Variants in MCTP1 observed in about 807,000 individuals in gnomAD.
MCTP1 encodes multiple C2 and transmembrane domain containing 1, also known as multiple C2 and transmembrane domain-containing protein 1.
In MCTP1, 69 loss-of-function variants were observed where a neutral mutation model predicts 120.6. The observed-to-expected ratio is 0.57, with a 90% CI of 0.47 to 0.70. The LOEUF is 0.70. MCTP1 is among the 30% of genes least tolerant of loss of function. The pLI, the probability that MCTP1 is intolerant of heterozygous loss-of-function variation, is 0.00. For missense variants in MCTP1, 1,203 were observed against 1,248.8 expected, an observed-to-expected ratio of 0.96 and a Z score of 0.55; for synonymous variants, 529 against 493.1, an observed-to-expected ratio of 1.07 and a Z score of -0.96.
intron 19 of MCTP1, among the ~76,000 whole-genome samples, chr5:94,756,055 A>G (rs1288393819): frequency 4.6e-5 from 7 of 152,214 alleles, no homozygotes; most frequent in Non-Finnish European, 1.0e-4. Flanking sequence ...GCTGCTAATG[A>G]TTATAACAAT....
chr5:95,040,870 A>C (rs1842226138), intron 1 of MCTP1, among the ~76,000 whole-genome samples: 1 of 152,172 alleles, frequency 6.6e-6, no homozygotes, highest in South Asian at 2.1e-4. Flanking sequence ...AGAATGAGAA[A>C]ACATGTAGGT....
chr5:94,862,760 AT>A (rs1162766593), intron 17 of MCTP1, among the ~76,000 whole-genome samples: 2 of 151,810 alleles, frequency 1.3e-5, no homozygotes, highest in African/African-American at 2.4e-5. Flanking sequence ...TTTTCATGTA[AT>A]TTTGGACAAT....
At chr5:95,196,774 GGAATCCATTCTAAACATCAGTGGACTGAA>G (rs941560840) in intron 1 of MCTP1, among the ~76,000 whole-genome samples, 2 of 152,062 alleles carry the variant, frequency 1.3e-5, no homozygotes, top group African/African-American at 4.8e-5. Flanking sequence ...ACCAGCTGAT[GGAATCCATTCTAAACATCAGTGGACTGAA>G]TCATTGAATA....
At chr5:94,836,955 C>T (rs1207488314) in intron 17 of MCTP1, among the ~76,000 whole-genome samples, 5 of 151,938 alleles carry the variant, frequency 3.3e-5, no homozygotes, top group Admixed American at 2.0e-4. Context: ...TGTTTTTTTC[C>T]CTTCCCTAAA....
At chr5:95,253,439 T>C (rs1757578369) in intron 1 of MCTP1, among the ~76,000 whole-genome samples, 1 of 152,054 alleles carries the variant, frequency 6.6e-6, no homozygotes, top group Non-Finnish European at 1.5e-5. Context: ...CATACACTAG[T>C]TTACATTTAA....
At chr5:94,844,314 A>AAAAAG (rs1391649338) in intron 17 of MCTP1, among the ~76,000 whole-genome samples, 5 of 151,166 alleles carry the variant, frequency 3.3e-5, no homozygotes, top group Middle Eastern at 3.4e-3. Flanking sequence ...AAAAAAAAAA[A>AAAAAG]AAAAAAAGAA....
intron 16 of MCTP1, 147 bp downstream of exon 16, chr5:94,870,270 G>A: frequency 1.7e-6 from 1 of 583,784 alleles, no homozygotes; most frequent in South Asian, 2.4e-5. Flanking sequence ...CAGAAAGAAT[G>A]AAAGAAAGCG....
chr5:94,813,767 C>T (rs1337949450), intron 17 of MCTP1, among the ~76,000 whole-genome samples: 1 of 152,002 alleles, frequency 6.6e-6, no homozygotes, highest in African/African-American at 2.4e-5. Context: ...GCACACCTGT[C>T]ACTTGAGTTT....
In MCTP1 at chr5:94,704,580, A is replaced by T. The variant is rs1754113631; in HGVS notation, c.*2916T>A. On this transcript the variant is annotated 3_prime_UTR_variant, in exon 23 of 23. Transcript: ENST00000515393. ...CTTCACTTTTAAATGCAGAATAAAA[A>T]TTTTATAAAAGATAATTTTAGAAAT... 6.6e-6 allele frequency: 1 copy of T among 151,320 alleles called. No individual in the cohort carries two copies. 9.4% of individuals were successfully genotyped at this position (151,320 alleles called of 1,614,324 possible).
At chr5:95,219,724 T>C (rs778865824) in intron 1 of MCTP1, among the ~76,000 whole-genome samples, 8 of 152,192 alleles carry the variant, frequency 5.3e-5, no homozygotes, top group Non-Finnish European at 1.2e-4. Flanking sequence ...GCAACTTAAA[T>C]GCAAATGCAA....
At chr5:95,034,131 T>C (rs1840804888) in intron 1 of MCTP1, among the ~76,000 whole-genome samples, 1 of 151,896 alleles carries the variant, frequency 6.6e-6, no homozygotes, top group African/African-American at 2.4e-5. Flanking sequence ...TCAATATCAT[T>C]AAAATGACCA....
chr5:95,062,954 G>T (rs1420503910), intron 1 of MCTP1, among the ~76,000 whole-genome samples: 4 of 151,976 alleles, frequency 2.6e-5, no homozygotes, highest in African/African-American at 9.7e-5. Flanking sequence ...AAGTAGCTGA[G>T]ACTATAAGCA....
intron 12 of MCTP1, among the ~76,000 whole-genome samples, chr5:94,882,879 CAT>C (rs1371180312): frequency 6.6e-6 from 1 of 152,144 alleles, no homozygotes; most frequent in African/African-American, 2.4e-5. Context: ...ATGAATCACA[CAT>C]GATTTCTGTA....
At chr5:95,196,757 G>A (rs1201030431) in intron 1 of MCTP1, among the ~76,000 whole-genome samples, 2 of 152,116 alleles carry the variant, frequency 1.3e-5, no homozygotes, top group African/African-American at 4.8e-5. Context: ...CTGAAGGAGT[G>A]CCTTTTACCA....
At chr5:95,027,144 AATTG>A (rs1296163180) in intron 1 of MCTP1, among the ~76,000 whole-genome samples, 1 of 152,256 alleles carries the variant, frequency 6.6e-6, no homozygotes, top group African/African-American at 2.4e-5. Context: ...TCTGGAAGTC[AATTG>A]ATTAAGTGAC....
intron 1 of MCTP1, among the ~76,000 whole-genome samples, chr5:95,029,063 G>T (rs144625647): frequency 3.3e-5 from 5 of 151,692 alleles, no homozygotes; most frequent in African/African-American, 1.2e-4. Flanking sequence ...GGAGACTGAG[G>T]CAGGAGAATT....
At chr5:94,907,407 ACCT>A (rs1259666728) in intron 10 of MCTP1, among the ~76,000 whole-genome samples, 2 of 152,108 alleles carry the variant, frequency 1.3e-5, no homozygotes, top group African/African-American at 4.8e-5. Flanking sequence ...TCTTGTCTAT[ACCT>A]GTGCTCATTT....
At chr5:94,878,762 T>A (rs548543913) in intron 12 of MCTP1, among the ~76,000 whole-genome samples, 1 of 151,964 alleles carries the variant, frequency 6.6e-6, no homozygotes, top group Admixed American at 6.6e-5. Context: ...ATAGTGGGAA[T>A]GGAGGAGAAA....
chr5:94,739,314 A>G (rs1194063756), intron 19 of MCTP1: 1 of 152,232 alleles, frequency 6.6e-6, no homozygotes, highest in Non-Finnish European at 1.5e-5. Context: ...TCAACAGGGC[A>G]TAGGATTCAT....
Sources: gnomAD v4.1 joint callset for allele counts (sites outside exome capture counted in the v4.1 genomes callset) on GRCh38, gnomAD v4.1.1 for gene constraint, MANE v1.5 for transcripts, NCBI Gene and HGNC (gene_info 2026-07-23, HGNC 2026-07-21) for gene names.